Variants in TANK observed in about 807,000 individuals in gnomAD.
TANK encodes the protein TRAF family member-associated NF-kappa-B activator.
Under a neutral mutation model 43.6 loss-of-function variants are expected in TANK, and 15 were observed. The observed-to-expected ratio is 0.34, with a 90% CI of 0.23 to 0.53. TANK has a LOEUF of 0.53. Ranked by LOEUF, TANK falls within the 20% of genes least tolerant of loss-of-function variation. The pLI is 0.94. For missense variants in TANK, 417 were observed against 498.6 expected (o/e 0.84, Z 1.56); for synonymous variants, 162 against 178.2 (o/e 0.91, Z 0.73).
chr2:161,210,574 G>C (rs1263688252), intron 4 of TANK, among the ~76,000 whole-genome samples: 2 of 151,966 alleles, frequency 1.3e-5, no homozygotes, highest in Admixed American at 1.3e-4. Flanking sequence ...GCAGGCACCT[G>C]TAATCCCAGC....
rs1019433717 is a variant in TANK at position 161,161,115 on chromosome 2, C to T, written c.-50+629C>T. On this transcript the variant is annotated intron_variant, in intron 1 of 7. Transcript: ENST00000392749. ...GAACCCAGGCGTTAGGTAGAGTCCT[C>T]ACGCCGGTGTAAACTGACTAGCAAC... The T allele has an allele frequency of 5.0e-6, 6 of 1,190,896 alleles. No homozygotes were observed. The Admixed American group carries it at 1.7e-4, about 35-fold the overall frequency. The allele number at this position is 1,190,896 out of a possible 1,614,324, so 73.8% of individuals were successfully genotyped here. A position where few individuals can be genotyped will look rare whatever the true frequency, so the allele number is the denominator to read the frequency against.
At chr2:161,216,375 T>A (rs547854686) in intron 4 of TANK, 5 of 467,746 alleles carry the variant, frequency 1.1e-5, no homozygotes, top group Non-Finnish European at 2.2e-5. Flanking sequence ...TTCTCTTTTT[T>A]ACCTGTGCTG....
upstream of TANK, chr2:161,156,333 C>G (rs1359043874): frequency 1.0e-6 from 1 of 985,258 alleles, no homozygotes; most frequent in African/African-American, 1.7e-5. Flanking sequence ...GCATGTTGTT[C>G]TGTGTCCTTA....
chr2:161,181,138 C>T (rs1004243952), intron 2 of TANK, among the ~76,000 whole-genome samples: 7 of 152,014 alleles, frequency 4.6e-5, no homozygotes, highest in African/African-American at 1.2e-4. Flanking sequence ...AACTACTTGA[C>T]GGCCATGCAT....
intron 1 of TANK, among the ~76,000 whole-genome samples, chr2:161,172,458 A>C (rs1366590068): frequency 1.3e-5 from 2 of 151,708 alleles, no homozygotes; most frequent in Non-Finnish European, 2.9e-5. Context: ...TCAAGAATAC[A>C]AACAATAGTG....
At chr2:161,167,779 C>T (rs575636397) in intron 1 of TANK, among the ~76,000 whole-genome samples, 10 of 152,128 alleles carry the variant, frequency 6.6e-5, no homozygotes, top group African/African-American at 2.2e-4. Context: ...CCCGCCACCA[C>T]GACCGGCTAA....
chr2:161,163,362 A>G (rs1027714717), intron 1 of TANK: 1 of 152,218 alleles, frequency 6.6e-6, no homozygotes, highest in Admixed American at 6.5e-5. Context: ...GGACACGGTA[A>G]TGTCAAGAAC....
intron 1 of TANK, among the ~76,000 whole-genome samples, chr2:161,150,536 T>C (rs746865211): frequency 6.6e-6 from 1 of 151,892 alleles, no homozygotes; most frequent in Non-Finnish European, 1.5e-5. Context: ...TGCTCTTCCT[T>C]TTCCAGTTCC....
intron 1 of TANK, among the ~76,000 whole-genome samples, chr2:161,178,626 AGT>A (rs1340925854): frequency 6.6e-6 from 1 of 152,140 alleles, no homozygotes; most frequent in African/African-American, 2.4e-5. Flanking sequence ...AAAATACCAA[AGT>A]GTACACTTTA....
chr2:161,204,899 C>A, intron 4 of TANK, 106 bp downstream of exon 4: 1 of 1,515,456 alleles, frequency 6.6e-7, no homozygotes, highest in East Asian at 2.6e-5. Context: ...ACAGAAGTTC[C>A]ATATATACAA....
intron 1 of TANK, among the ~76,000 whole-genome samples, chr2:161,137,621 T>C (rs1039831565): frequency 2.0e-5 from 3 of 152,188 alleles, no homozygotes; most frequent in Non-Finnish European, 4.4e-5. Context: ...AATGTATTCA[T>C]ACTTTTTTGG....
chr2:161,235,614 A>G lies in TANK; in HGVS notation c.*96A>G, dbSNP rs540544080. The G allele has an allele frequency of 3.3e-5, 35 of 1,047,240 alleles. 1 individual carries two copies. Among genetic ancestry groups the G allele is most frequent in the Admixed American group, 5.8e-5 (2 of 34,234 alleles). The allele number at this position is 1,047,240 out of a possible 1,614,324, so 64.9% of individuals were successfully genotyped here. ...TTGTAAACTAAATTCAAGATCATTT[A>G]TAGGAAAATCTAGTTTCACAGCTAT... On this transcript the variant is annotated 3_prime_UTR_variant, in exon 8 of 8. Transcript: ENST00000392749.
In TANK at chr2:161,231,382, C is replaced by T. The variant is rs755641291; in HGVS notation, c.932C>T (p.Pro311Leu). 4 of 1,614,114 alleles carry T rather than the reference C, an allele frequency of 2.5e-6. No homozygotes were observed. The highest frequency in any genetic ancestry group is 1.7e-6 in the Non-Finnish European group (2 of 1,180,020). Residue 311 changes from proline to leucine, a missense_variant, in exon 7 of 8, where the codon CCC becomes CTC. By Grantham distance (98) the Pro-to-Leu change is moderately conservative. Transcript: ENST00000392749. ...CTTAAAACAACTGACAAAACAAAGCCCTCAAATCTCGTAAACACTTGTATC... is the reference window on the plus strand; with the variant it reads ...CTTAAAACAACTGACAAAACAAAGCTCTCAAATCTCGTAAACACTTGTATC... The part of the protein sequence containing the change: ...QNLKTTDKTK[P>L]SNLVNTCIRT...
chr2:161,148,496 A>C (rs764360664), intron 1 of TANK, among the ~76,000 whole-genome samples: 1 of 152,154 alleles, frequency 6.6e-6, no homozygotes, highest in Non-Finnish European at 1.5e-5. Flanking sequence ...GTGTCTTGAC[A>C]TCTTTCAATG....
At chr2:161,198,856 C>A (rs1252755804) in intron 2 of TANK, among the ~76,000 whole-genome samples, 1 of 152,178 alleles carries the variant, frequency 6.6e-6, no homozygotes, top group Non-Finnish European at 1.5e-5. Context: ...TGTCAAATTG[C>A]AGATCTTCTA....
chr2:161,186,193 A>G (rs896697090), intron 2 of TANK, among the ~76,000 whole-genome samples: 1 of 152,214 alleles, frequency 6.6e-6, no homozygotes, highest in African/African-American at 2.4e-5. Flanking sequence ...GGCTCAAAAA[A>G]AGTAAAACAA....
chr2:161,188,951 C>G (rs1385220830), intron 2 of TANK, among the ~76,000 whole-genome samples: 4 of 152,166 alleles, frequency 2.6e-5, no homozygotes. Context: ...TGATACCTTC[C>G]ACTATATGGA....
chr2:161,217,614 T>TGTGTGC (rs1687176144), intron 4 of TANK, among the ~76,000 whole-genome samples: 1 of 151,724 alleles, frequency 6.6e-6, no homozygotes, highest in Admixed American at 6.6e-5. Context: ...TGTGTGTGTG[T>TGTGTGC]GTGTGTGTGT....
At chr2:161,204,130 G>A (rs1349283859) in intron 3 of TANK, among the ~76,000 whole-genome samples, 1 of 147,866 alleles carries the variant, frequency 6.8e-6, no homozygotes, top group African/African-American at 2.6e-5. Context: ...ACATAAATAA[G>A]TGTTTTTTTC....
Sources: gnomAD v4.1 joint callset for allele counts (sites outside exome capture counted in the v4.1 genomes callset) on GRCh38, gnomAD v4.1.1 for gene constraint, MANE v1.5 for transcripts, NCBI Gene and HGNC (gene_info 2026-07-23, HGNC 2026-07-21) for gene names.